TMEM259: variants seen among roughly 807,000 people sequenced by gnomAD.
TMEM259 encodes the protein membralin.
Under a neutral mutation model 46.7 loss-of-function variants are expected in TMEM259, and 26 were observed. The ratio of observed to expected loss-of-function variants is 0.56; its 90% confidence interval spans 0.41 to 0.77. The LOEUF (loss-of-function observed/expected upper bound fraction) is 0.77. Among genes scored for constraint, TMEM259 ranks in the 30% least tolerant of loss-of-function variants. The pLI, the probability that TMEM259 is intolerant of heterozygous loss-of-function variation, is 0.00. For synonymous variants in TMEM259, 494 were observed against 395.1 expected (o/e 1.25, Z -2.97); for missense variants, 930 against 900.5 (o/e 1.03, Z -0.42).
Position 1,020,917 on chromosome 19 carries a change from G to A in TMEM259, c.80C>T (p.Pro27Leu). The A allele has an allele frequency of 1.6e-6, 2 of 1,271,992 alleles. No homozygotes were observed. Among genetic ancestry groups the A allele is most frequent in the Non-Finnish European group, 2.0e-6 (2 of 1,007,850 alleles). 78.8% of individuals were successfully genotyped at this position (1,271,992 alleles called of 1,614,324 possible). The change falls in exon 1 of 11, where the codon CCT (proline) becomes CTT (leucine). Residue 27 changes from proline to leucine, a missense_variant. By Grantham distance (98) the Pro-to-Leu change is moderately conservative. Coordinates refer to ENST00000356663, the MANE Select transcript of TMEM259 (RefSeq NM_001033026.2). This position sits in a 1 kb window ranked among gnomAD's most constrained non-coding sequence, Gnocchi z 4.0. ...GTTGGGGTTGAGATTGGGGGTGCGAGGCCCGCGCGCGGGGGCCGGGCCGCC... is the reference window on the plus strand; with the variant it reads ...GTTGGGGTTGAGATTGGGGGTGCGAAGCCCGCGCGCGGGGGCCGGGCCGCC... ...GGGGPAPARG[P>L]RTPNLNPNPL...
chr19:1,013,194 G>T, intron 3 of TMEM259, 47 bp downstream of exon 3: 1 of 1,558,038 alleles, frequency 6.4e-7, no homozygotes, highest in South Asian at 1.1e-5. Context: ...AGCACCCCAT[G>T]ACTGAGGCAA....
rs1181996240 is a variant in TMEM259 at position 1,020,312 on chromosome 19, C to T, written c.225+460G>A. Among the ~76,000 whole-genome samples the T allele has an allele frequency of 2.6e-5, 4 of 151,860 alleles. No individual in the cohort carries two copies. The highest frequency in any genetic ancestry group is 5.9e-5 in the Non-Finnish European group (4 of 67,954). On this transcript the variant is annotated intron_variant, in intron 1 of 10. Coordinates refer to ENST00000356663, the MANE Select transcript of TMEM259 (RefSeq NM_001033026.2). This position sits in a 1 kb window ranked among gnomAD's most constrained non-coding sequence, Gnocchi z 4.0. ...GACCTGCGTCAGGCTGGGTTCTGGGCCAGCACATTGGGAGGGGAGAGAGGC... is the reference window on the plus strand; with the variant it reads ...GACCTGCGTCAGGCTGGGTTCTGGGTCAGCACATTGGGAGGGGAGAGAGGC...
In TMEM259 at chr19:1,011,507, GA is replaced by G; in HGVS notation, c.1085-9del. The G allele has an allele frequency of 6.5e-7, 1 of 1,546,430 alleles. No individual in the cohort carries two copies. Among genetic ancestry groups the G allele is most frequent in the Non-Finnish European group, 8.7e-7 (1 of 1,146,120 alleles). On this transcript the variant is annotated splice_polypyrimidine_tract_variant and intron_variant, in intron 8 of 10. Transcript: ENST00000356663. ...ACATGATGGCCTCCATCCCTGCAGG[GA>G]GAGGCGGCGCCGGTTGAAGCGGGCG...
At position 1,011,419 on chromosome 19, in the gene TMEM259, G is replaced by T; in HGVS notation, c.1165C>A (p.Gln389Lys). 6.4e-7 allele frequency: 1 copy of T among 1,559,562 alleles called. No individual in the cohort carries two copies. Residue 389 changes from glutamine to lysine, a missense_variant, in exon 9 of 11, where the codon CAG becomes AAG. By Grantham distance (53) the Gln-to-Lys change is moderately conservative. Transcript: ENST00000356663. The stretch of plus-strand genomic sequence containing the variant: ...GTGTGGCAGCAGATGGCGTCATACT[G>T]GTCCGCGAGCCACACGATGAGGATG... ...YIILIVWLAD[Q>K]YDAICCHTST...
In TMEM259 at chr19:1,010,567, GTGA is replaced by G; in HGVS notation, c.1643_1645del (p.Ile548del). Reference sequence around the variant, plus strand: ...CAGGCCGGACAGGAAGGAGGCGTCTGTGATGATGGCAGCGGTCTCTGCCATCCA... The same window carrying G: ...CAGGCCGGACAGGAAGGAGGCGTCTGTGATGGCAGCGGTCTCTGCCATCCA... On this transcript the variant is annotated inframe_deletion, in exon 11 of 11. Transcript: ENST00000356663. The G allele has an allele frequency of 1.3e-6, 2 of 1,549,954 alleles. No individual in the cohort carries two copies.
intron 8 of TMEM259, 37 bp downstream of exon 8, chr19:1,011,543 G>A (rs2038922416): frequency 1.4e-6 from 2 of 1,397,476 alleles, no homozygotes; most frequent in African/African-American, 1.4e-5. Context: ...GGGGCGGGGT[G>A]CAGCGCGGGG....
chr19:1,016,960 CTG>C (rs1288770827), intron 1 of TMEM259, among the ~76,000 whole-genome samples: 1 of 152,220 alleles, frequency 6.6e-6, no homozygotes, highest in Non-Finnish European at 1.5e-5. Flanking sequence ...TCAGACGTCA[CTG>C]TGTCTCTGCC....
Position 1,021,074 on chromosome 19 carries a change from G to A in TMEM259, c.-78C>T. On this transcript the variant is annotated 5_prime_UTR_variant, in exon 1 of 11. Coordinates refer to ENST00000356663, the MANE Select transcript of TMEM259 (RefSeq NM_001033026.2). Reference sequence around the variant, plus strand: ...GCCGCCATCGGCCGCCCTCGCAGCCGCCGCTCTCCTCACGGCCTCCCGGCC... The same window carrying A: ...GCCGCCATCGGCCGCCCTCGCAGCCACCGCTCTCCTCACGGCCTCCCGGCC... The A allele has an allele frequency of 2.4e-6, 3 of 1,255,854 alleles. No individual in the cohort carries two copies. Among genetic ancestry groups the A allele is most frequent in the Non-Finnish European group, 2.0e-6 (2 of 993,038 alleles). 77.8% of individuals were successfully genotyped at this position (1,255,854 alleles called of 1,614,324 possible).
chr19:1,017,230 C>T (rs778394657), intron 1 of TMEM259: 101 of 399,960 alleles, frequency 2.5e-4, no homozygotes, highest in Non-Finnish European at 3.9e-4. Context: ...GAGCCACACG[C>T]CCAGGCAGCC....
At chr19:1,014,842 C>T (rs1479719703) in intron 1 of TMEM259, among the ~76,000 whole-genome samples, 1 of 152,196 alleles carries the variant, frequency 6.6e-6, no homozygotes, top group Admixed American at 6.5e-5. Flanking sequence ...CAGATGCACA[C>T]AGGACCCCCC....
At chr19:1,012,608 C>G in intron 3 of TMEM259, 35 bp from the exon 4 acceptor site, 1 of 1,545,914 alleles carries the variant, frequency 6.5e-7, no homozygotes, top group Non-Finnish European at 8.7e-7. Flanking sequence ...GTCAGCGCCC[C>G]CACACACGTC....
At chr19:1,019,146 G>A (rs2039204143) in intron 1 of TMEM259, among the ~76,000 whole-genome samples, 1 of 152,200 alleles carries the variant, frequency 6.6e-6, no homozygotes, top group Non-Finnish European at 1.5e-5. Flanking sequence ...CTGACCACCT[G>A]TGAGTGGTAT....
Position 1,009,950 on chromosome 19 carries a change from C to CG in TMEM259, c.*399dup. On this transcript the variant is annotated 3_prime_UTR_variant, in exon 11 of 11. Coordinates refer to ENST00000356663, the MANE Select transcript of TMEM259 (RefSeq NM_001033026.2). ...CACTGCAGGGAGCACCAGGCAGAGC[C>CG]GGGCTGAGGCCGGCCGGCACTAGGG... The CG allele has an allele frequency of 3.1e-6, 1 of 319,180 alleles. No individual in the cohort carries two copies. 19.8% of individuals were successfully genotyped at this position (319,180 alleles called of 1,614,324 possible).
Position 1,020,857 on chromosome 19 carries a change from G to C in TMEM259, c.140C>G (p.Ala47Gly). ...GGTGACAGCCATCTTGAAGAACAGCGCGTGGAAGAGCCGGTCGCGCACGTT... is the reference window on the plus strand; with the variant it reads ...GGTGACAGCCATCTTGAAGAACAGCCCGTGGAAGAGCCGGTCGCGCACGTT... ...LINVRDRLFH[A>G]LFFKMAVTYS... The change falls in exon 1 of 11, where the codon GCG becomes GGG. Residue 47 changes from alanine (A) to glycine (G), a missense_variant. Transcript: ENST00000356663. This position sits in a 1 kb window ranked among gnomAD's most constrained non-coding sequence, Gnocchi z 4.0. 1.5e-6 allele frequency: 2 copies of C among 1,366,480 alleles called. No homozygotes were observed. The highest frequency in any genetic ancestry group is 1.9e-6 in the Non-Finnish European group (2 of 1,053,804). 84.6% of individuals were successfully genotyped at this position (1,366,480 alleles called of 1,614,324 possible).
At chr19:1,012,794 T>C (rs1409833916) in intron 3 of TMEM259, among the ~76,000 whole-genome samples, 2 of 152,152 alleles carry the variant, frequency 1.3e-5, no homozygotes, top group Non-Finnish European at 2.9e-5. Flanking sequence ...CCTCCTCCCG[T>C]GGCCCCCTCT....
chr19:1,016,696 G>A (rs957085550), intron 1 of TMEM259, among the ~76,000 whole-genome samples: 5 of 152,214 alleles, frequency 3.3e-5, no homozygotes, highest in African/African-American at 1.2e-4. Flanking sequence ...TGGCCAGGAG[G>A]GAGGGGCCAG....
intron 9 of TMEM259, 76 bp downstream of exon 9, chr19:1,011,291 C>T (rs1284864254): frequency 1.9e-6 from 3 of 1,538,912 alleles, no homozygotes; most frequent in Non-Finnish European, 2.6e-6. Context: ...CCCCCGCCTC[C>T]AGCGCCCCTC....
At chr19:1,015,922 G>C (rs748613049) in intron 1 of TMEM259, among the ~76,000 whole-genome samples, 1 of 152,216 alleles carries the variant, frequency 6.6e-6, no homozygotes, top group Non-Finnish European at 1.5e-5. Flanking sequence ...CCCGGCCGCA[G>C]TGCTGTGACC....
chr19:1,011,367 C>T lies in TMEM259; in HGVS notation c.1217G>A (p.Arg406Gln), dbSNP rs763164968. The T allele has an allele frequency of 2.0e-5, 32 of 1,572,678 alleles. 1 individual carries two copies. Among genetic ancestry groups the T allele is most frequent in the Non-Finnish European group, 2.4e-5 (28 of 1,160,914 alleles). ...HTSTSKRHWL[R>Q]FFYLYHFAFY... ...CACCCTGCCCCCGCGCCACGCTCACCGCAGCCAATGCCGCTTGCTGGTGCT... is the reference window on the plus strand; with the variant it reads ...CACCCTGCCCCCGCGCCACGCTCACTGCAGCCAATGCCGCTTGCTGGTGCT... The change falls in exon 9 of 11, where the codon CGG (arginine) becomes CAG (glutamine). Residue 406 changes from arginine (R) to glutamine (Q), a missense_variant and splice_region_variant. Arg to Gln is a conservative substitution (Grantham distance 43). Coordinates refer to ENST00000356663, the MANE Select transcript of TMEM259 (RefSeq NM_001033026.2).
Sources: gnomAD v4.1 joint callset for allele counts (sites outside exome capture counted in the v4.1 genomes callset) on GRCh38, gnomAD v4.1.1 for gene constraint, Gnocchi (gnomAD v3.1) non-coding constraint, MANE v1.5 for transcripts, NCBI Gene and HGNC (gene_info 2026-07-23, HGNC 2026-07-21) for gene names.